The following RAB12 variants were observed in gnomAD, a reference collection of about 807,000 sequenced individuals.
The protein encoded by RAB12 is RAB12, member RAS oncogene family.
Under a neutral mutation model 28.4 loss-of-function variants are expected in RAB12, and 11 were observed. The observed-to-expected ratio is 0.39, with a 90% confidence interval of 0.24 to 0.64. The LOEUF (loss-of-function observed/expected upper bound fraction) is 0.64, where lower values mean the gene tolerates loss of function less well. RAB12 is among the 30% of genes least tolerant of loss of function. The pLI, the probability that RAB12 is intolerant of heterozygous loss-of-function variation, is 0.50. For synonymous variants in RAB12, 138 were observed against 145.3 expected (o/e 0.95, Z 0.36); for missense variants, 276 against 351.1 (o/e 0.79, Z 1.71).
At chr18:8,610,209 G>T in intron 1 of RAB12, 2 of 379,424 alleles carry the variant, frequency 5.3e-6, no homozygotes, top group Non-Finnish European at 4.8e-6. Flanking sequence ...CCCGGGGCCT[G>T]TGGGGGCGGC....
At chr18:8,621,122 C>T (rs954021883) in intron 1 of RAB12, among the ~76,000 whole-genome samples, 2 of 152,110 alleles carry the variant, frequency 1.3e-5, no homozygotes, top group Non-Finnish European at 2.9e-5. Context: ...GTAGTGAAGT[C>T]GCCACCCTCT....
chr18:8,612,046 C>T (rs2096004116), intron 1 of RAB12, among the ~76,000 whole-genome samples: 1 of 152,184 alleles, frequency 6.6e-6, no homozygotes, highest in Non-Finnish European at 1.5e-5. Context: ...CCCCTCCACT[C>T]ATCAGATCGT....
intron 1 of RAB12, among the ~76,000 whole-genome samples, chr18:8,610,486 A>G (rs2096003182): frequency 6.6e-6 from 1 of 152,262 alleles, no homozygotes; most frequent in Non-Finnish European, 1.5e-5. Context: ...AGCCGTACGT[A>G]CGGGGCAGAG....
In RAB12 at chr18:8,635,635, G is replaced by T; in HGVS notation, c.804+13G>T. The T allele has an allele frequency of 6.3e-7, 1 of 1,585,258 alleles. No individual in the cohort carries two copies. Among genetic ancestry groups the T allele is most frequent in the South Asian group, 1.1e-5 (1 of 88,542 alleles). On this transcript the variant is annotated intron_variant, in intron 4 of 5. Transcript: ENST00000649141. Reference sequence around the variant, plus strand: ...GCAGGGGGAAAAGGTGAGAGGGCGTGGGAGGCACGGTTGCCACACACTGTG... The same window carrying T: ...GCAGGGGGAAAAGGTGAGAGGGCGTTGGAGGCACGGTTGCCACACACTGTG...
chr18:8,632,078 T>C (rs902279759), intron 2 of RAB12, among the ~76,000 whole-genome samples: 10 of 151,992 alleles, frequency 6.6e-5, no homozygotes, highest in African/African-American at 2.4e-4. Context: ...GGTCAGGAGT[T>C]TGAGACCAGC....
intron 1 of RAB12, among the ~76,000 whole-genome samples, chr18:8,624,052 C>T (rs149816473): frequency 1.5e-3 from 222 of 152,396 alleles, no homozygotes; most frequent in African/African-American, 5.2e-3. Flanking sequence ...CCATACCACT[C>T]ACAAACATGG....
At chr18:8,618,537 C>T (rs1027617219) in intron 1 of RAB12, among the ~76,000 whole-genome samples, 3 of 151,076 alleles carry the variant, frequency 2.0e-5, no homozygotes, top group Non-Finnish European at 2.9e-5. Flanking sequence ...TGAGACAGAG[C>T]CTTGCTCTGT....
chr18:8,612,935 G>A (rs766887664), intron 1 of RAB12, among the ~76,000 whole-genome samples: 1 of 152,330 alleles, frequency 6.6e-6, no homozygotes, highest in Non-Finnish European at 1.5e-5. Context: ...GATTACAGGC[G>A]TAAGCCACTG....
At chr18:8,625,186 C>G (rs554017932) in intron 2 of RAB12, among the ~76,000 whole-genome samples, 188 bp downstream of exon 2, 15 of 152,316 alleles carry the variant, frequency 9.8e-5, no homozygotes, top group South Asian at 4.1e-4. Flanking sequence ...TGTTATATGC[C>G]ACTTGCACAT....
intron 1 of RAB12, among the ~76,000 whole-genome samples, chr18:8,610,634 A>G (rs974404077): frequency 2.0e-5 from 3 of 152,194 alleles, no homozygotes; most frequent in Non-Finnish European, 4.4e-5. Context: ...CAAGGAGGAA[A>G]ACAGCCGTGG....
intron 1 of RAB12, among the ~76,000 whole-genome samples, chr18:8,610,513 T>A (rs956936929): frequency 1.3e-5 from 2 of 152,268 alleles, no homozygotes; most frequent in African/African-American, 4.8e-5. Flanking sequence ...CAGCTGTATT[T>A]ATCCATGACC....
chr18:8,626,890 T>C (rs1028753107), intron 2 of RAB12, among the ~76,000 whole-genome samples: 2 of 152,334 alleles, frequency 1.3e-5, no homozygotes, highest in Admixed American at 1.3e-4. Flanking sequence ...TACGGAATGG[T>C]TGATTGCAAG....
At chr18:8,631,769 G>A (rs914496252) in intron 2 of RAB12, among the ~76,000 whole-genome samples, 13 of 151,954 alleles carry the variant, frequency 8.6e-5, no homozygotes, top group African/African-American at 2.9e-4. Flanking sequence ...TATTCTAGAA[G>A]GTCAGCACAT....
intron 1 of RAB12, among the ~76,000 whole-genome samples, chr18:8,619,926 C>T (rs1461566087): frequency 2.6e-5 from 4 of 152,006 alleles, no homozygotes; most frequent in African/African-American, 9.7e-5. Flanking sequence ...AGGAGGATCG[C>T]TTGAGTTTGA....
intron 1 of RAB12, among the ~76,000 whole-genome samples, chr18:8,619,281 G>A (rs534442846): frequency 1.3e-5 from 2 of 152,212 alleles, no homozygotes; most frequent in Non-Finnish European, 2.9e-5. Flanking sequence ...TCCTAGATGT[G>A]GACCACAGTG....
At chr18:8,635,678 TG>T in intron 4 of RAB12, 56 bp downstream of exon 4, 2 of 1,056,216 alleles carry the variant, frequency 1.9e-6, no homozygotes, top group Non-Finnish European at 2.7e-6. Flanking sequence ...CTTGAGGTAC[TG>T]TTTCTTTTAA....
intron 1 of RAB12, among the ~76,000 whole-genome samples, chr18:8,615,181 C>T (rs1181701771): frequency 6.6e-6 from 1 of 152,036 alleles, no homozygotes; most frequent in Non-Finnish European, 1.5e-5. Flanking sequence ...TGGAGGGGTC[C>T]GAGAAACGGG....
chr18:8,613,557 AAAAG>A, intron 1 of RAB12, among the ~76,000 whole-genome samples: 1 of 152,148 alleles, frequency 6.6e-6, no homozygotes, highest in Non-Finnish European at 1.5e-5. Context: ...GTGCTTTTTT[AAAAG>A]TATATTTCAA....
At chr18:8,621,711 T>C (rs1407779221) in intron 1 of RAB12, among the ~76,000 whole-genome samples, 6 of 152,170 alleles carry the variant, frequency 3.9e-5, no homozygotes, top group Non-Finnish European at 7.3e-5. Flanking sequence ...CAGATGGTTT[T>C]GTCACCCAGG....
Sources: gnomAD v4.1 joint callset for allele counts (sites outside exome capture counted in the v4.1 genomes callset) on GRCh38, gnomAD v4.1.1 for gene constraint, MANE v1.5 for transcripts, NCBI Gene and HGNC (gene_info 2026-07-23, HGNC 2026-07-21) for gene names.